Variants in BAD observed in about 807,000 individuals in gnomAD.
BAD encodes bcl2-associated agonist of cell death.
A neutral mutation model predicts 17.8 loss-of-function variants in BAD; 18 were observed. The ratio of observed to expected loss-of-function variants is 1.01; its 90% CI spans 0.70 to 1.50. BAD has a LOEUF of 1.50. BAD is among the 40% of genes most tolerant of loss of function. The pLI, the probability that BAD is intolerant of heterozygous loss-of-function variation, is 0.00. For missense variants in BAD, 294 were observed against 239.3 expected (o/e 1.23, Z -1.51); for synonymous variants, 112 against 91.5 (o/e 1.22, Z -1.28).
At chr11:64,271,835 T>C in intron 2 of BAD, 32 bp from the exon 3 acceptor site, 1 of 1,357,460 alleles carries the variant, frequency 7.4e-7, no homozygotes, top group South Asian at 1.8e-5. Flanking sequence ...GGGGGCGACG[T>C]TAATCTCAGC....
upstream of BAD, chr11:64,284,689 G>A (rs866025616): frequency 2.0e-6 from 3 of 1,535,666 alleles, no homozygotes; most frequent in South Asian, 1.2e-5. Flanking sequence ...AGCACCCCGG[G>A]CTCCGGGCCC....
intron 2 of BAD, among the ~76,000 whole-genome samples, chr11:64,279,680 A>G (rs687735): frequency 0.97 from 145,460 of 150,682 alleles, 70,403 homozygotes; most frequent in Middle Eastern, 1. Flanking sequence ...GGAGAATGGC[A>G]TGAACCCAGG....
chr11:64,279,633 C>T (rs1299300978), intron 2 of BAD, among the ~76,000 whole-genome samples: 1 of 151,524 alleles, frequency 6.6e-6, no homozygotes, highest in Non-Finnish European at 1.5e-5. Flanking sequence ...GGGCATGGTG[C>T]ATGCCTGTAA....
intron 2 of BAD, chr11:64,272,643 C>T (rs1272981923): frequency 3.9e-5 from 6 of 152,184 alleles, no homozygotes; most frequent in African/African-American, 1.4e-4. Context: ...CCCTTATTAT[C>T]CTCCTAACCA....
chr11:64,271,839 TCTC>T, intron 2 of BAD, 36 bp from the exon 3 acceptor site: 2 of 1,345,908 alleles, frequency 1.5e-6, no homozygotes, highest in Non-Finnish European at 1.9e-6. Context: ...GCGACGTTAA[TCTC>T]AGCTCCTCTA....
intron 3 of BAD, among the ~76,000 whole-genome samples, chr11:64,270,935 C>T (rs1334790477): frequency 1.3e-5 from 1 of 75,426 alleles, no homozygotes; most frequent in East Asian, 4.2e-4. Flanking sequence ...ACACACACGC[C>T]TGGAGTGGGA....
intron 2 of BAD, 22 bp from the exon 3 acceptor site, chr11:64,271,825 G>T: frequency 1.5e-6 from 2 of 1,371,618 alleles, no homozygotes; most frequent in South Asian, 1.8e-5. Flanking sequence ...CAGTGGGTAG[G>T]GGGGCGACGT....
At chr11:64,270,444 T>G in intron 3 of BAD, 107 bp from the exon 4 acceptor site, 2 of 1,409,282 alleles carry the variant, frequency 1.4e-6, no homozygotes, top group South Asian at 2.8e-5. Context: ...GGGGAGATAA[T>G]GAAGGCCACA....
chr11:64,284,578 C>A, intron 1 of BAD, 53 bp downstream of exon 1: 1 of 1,492,728 alleles, frequency 6.7e-7, no homozygotes, highest in African/African-American at 1.4e-5. Flanking sequence ...CCCCTCAGAA[C>A]CCCGGTGGAC....
At chr11:64,279,115 A>G (rs1047772628) in intron 2 of BAD, among the ~76,000 whole-genome samples, 2 of 151,762 alleles carry the variant, frequency 1.3e-5, no homozygotes, top group South Asian at 4.2e-4. Flanking sequence ...TCCTTTCTGT[A>G]CCTTGCTACT....
intron 2 of BAD, among the ~76,000 whole-genome samples, chr11:64,274,374 G>T (rs2032888200): frequency 7.0e-6 from 1 of 143,308 alleles, no homozygotes; most frequent in Non-Finnish European, 1.5e-5. Flanking sequence ...GTGACAGAGT[G>T]AAACTCTACC....
chr11:64,273,304 TG>T (rs991846463), intron 2 of BAD, among the ~76,000 whole-genome samples: 2 of 152,054 alleles, frequency 1.3e-5, no homozygotes, highest in African/African-American at 4.8e-5. Flanking sequence ...ACCCAGTGGG[TG>T]GAGGTTGCAG....
chr11:64,284,056 A>T, intron 2 of BAD, 126 bp downstream of exon 2: 1 of 1,170,906 alleles, frequency 8.5e-7, no homozygotes, highest in Non-Finnish European at 1.2e-6. Context: ...CGAAAGAGGA[A>T]ACTGGGGCTC....
Position 64,271,764 on chromosome 11 carries a change from T to TTTTTA in BAD, c.226_227insTAAAA (p.Tyr76LeufsTer44). 1.4e-6 allele frequency: 2 copies of TTTTTA among 1,397,454 alleles called. No homozygotes were observed. Among genetic ancestry groups the TTTTTA allele is most frequent in the Non-Finnish European group, 1.9e-6 (2 of 1,073,712 alleles). The allele number at this position is 1,397,454 out of a possible 1,614,324, so 86.6% of individuals were successfully genotyped here. A position where few individuals can be genotyped will look rare whatever the true frequency, so the allele number is the denominator to read the frequency against. ...TTCGTCGTCCTCCGTCCCCGCGGGGTAGGAGCTGTGGCGACTCCGGATCTC... is the reference window on the plus strand; with the variant it reads ...TTCGTCGTCCTCCGTCCCCGCGGGGTTTTTAAGGAGCTGTGGCGACTCCGGATCTC... On this transcript the variant is annotated frameshift_variant, in exon 3 of 4. Transcript: ENST00000309032. LOFTEE classifies it high-confidence loss of function.
chr11:64,281,436 C>T (rs1250519020), intron 2 of BAD, among the ~76,000 whole-genome samples: 1 of 152,250 alleles, frequency 6.6e-6, no homozygotes, highest in East Asian at 1.9e-4. Context: ...TCTGACCATG[C>T]TGCCTCTGCT....
At position 64,271,775 on chromosome 11, in the gene BAD, G is replaced by A. The variant is rs368351638; in HGVS notation, c.216C>T (p.Arg72=). The part of the protein sequence containing the change: ...GGAGAVEIRS[R]HSSYPAGTED... ...CCGTCCCCGCGGGGTAGGAGCTGTG[G>A]CGACTCCGGATCTCCACAGCCCCAG... The change falls in exon 3 of 4, where the codon CGC becomes CGT. Residue 72 remains arginine (R), a synonymous_variant. Coordinates refer to ENST00000309032, the MANE Select transcript of BAD (RefSeq NM_032989.3). The A allele has an allele frequency of 5.6e-6, 8 of 1,418,346 alleles. No homozygotes were observed. In the African/African-American group the frequency reaches 1.2e-4, roughly 21 times the overall value. 87.9% of individuals were successfully genotyped at this position (1,418,346 alleles called of 1,614,324 possible).
rs35718358 is a variant in BAD, at chr11:64,279,762, CAA to C, written c.187+4418_187+4419del. ...TGGGTGACAGAGTAAGACTCTATCT[CAA>C]AAAAAAAAAAAAAAAAAAAATCCCC... On this transcript the variant is annotated intron_variant, in intron 2 of 3. Transcript: ENST00000309032. Among the ~76,000 whole-genome samples the C allele has an allele frequency of 7.0e-3, 727 of 103,712 alleles. 5 individuals carry two copies. Among genetic ancestry groups the C allele is most frequent in the African/African-American group, 0.022 (568 of 25,992 alleles). The allele number at this position is 103,712 out of a possible 152,430, so 68.0% of individuals were successfully genotyped here.
At position 64,271,777 on chromosome 11, in the gene BAD, G is replaced by GCCC; in HGVS notation, c.213_214insGGG (p.Ser71_Arg72insGly). 7.3e-7 allele frequency: 1 copy of GCCC among 1,377,802 alleles called. No homozygotes were observed. The highest frequency in any genetic ancestry group is 9.4e-7 in the Non-Finnish European group (1 of 1,062,766). The allele number at this position is 1,377,802 out of a possible 1,614,324, so 85.3% of individuals were successfully genotyped here. On this transcript the variant is annotated inframe_insertion, in exon 3 of 4. Transcript: ENST00000309032. Reference sequence around the variant, plus strand: ...GTCCCCGCGGGGTAGGAGCTGTGGCGACTCCGGATCTCCACAGCCCCAGCG... The same window carrying GCCC: ...GTCCCCGCGGGGTAGGAGCTGTGGCGCCCACTCCGGATCTCCACAGCCCCAGCG...
intron 2 of BAD, among the ~76,000 whole-genome samples, chr11:64,282,155 G>A (rs1178440620): frequency 6.6e-6 from 1 of 152,216 alleles, no homozygotes; most frequent in African/African-American, 2.4e-5. Context: ...TGACGCTTGG[G>A]TTCACCGAGG....
Sources: allele counts gnomAD v4.1 joint callset (sites outside exome capture counted in the v4.1 genomes callset), GRCh38; gene constraint gnomAD v4.1.1; transcripts MANE v1.5; gene names NCBI Gene and HGNC (gene_info 2026-07-23, HGNC 2026-07-21).